CCT8: variants seen among roughly 807,000 people sequenced by gnomAD.
The protein encoded by CCT8 is T-complex protein 1 subunit theta.
CCT8 carries 10 observed loss-of-function variants against 65.7 expected under a neutral mutation model. That is an observed-to-expected ratio of 0.15 (90% CI 0.09 to 0.26). The LOEUF is 0.26. Ranked by LOEUF, CCT8 falls within the 10% of genes least tolerant of loss-of-function variation. The pLI is 1.00. For synonymous variants in CCT8, 199 were observed against 221.8 expected (o/e 0.90, Z 0.92); for missense variants, 568 against 669.1 (o/e 0.85, Z 1.67).
chr21:29,062,098 CAA>C, intron 11 of CCT8, 28 bp downstream of exon 11: 1 of 1,450,264 alleles, frequency 6.9e-7, no homozygotes, highest in Non-Finnish European at 9.7e-7. Flanking sequence ...TCAGACCTTA[CAA>C]ACTACTAAGA....
intron 1 of CCT8, chr21:29,073,079 C>T (rs1439079740): frequency 1.1e-5 from 2 of 183,598 alleles, no homozygotes; most frequent in Non-Finnish European, 2.1e-5. Context: ...GGCCCTTTTT[C>T]CCACTCTCTT....
rs192821292 is a variant in CCT8 at position 29,064,961 on chromosome 21, T to C, written c.762+7A>G. ...ATTATTACTTTTAAGGTTTGAAGTC[T>C]ACATACCTTAGTTTCTGTTATCATG... On this transcript the variant is annotated splice_region_variant and intron_variant, in intron 7 of 14. Coordinates refer to ENST00000286788, the MANE Select transcript of CCT8 (RefSeq NM_006585.4). 23 of 1,613,340 alleles carry C rather than the reference T, an allele frequency of 1.4e-5. No individual in the cohort carries two copies. The African/African-American group carries it at 2.9e-4, about 21-fold the overall frequency.
chr21:29,061,508 T>C lies in CCT8; in HGVS notation c.1272A>G (p.Thr424=), dbSNP rs1168620292. 1.9e-6 allele frequency: 3 copies of C among 1,614,014 alleles called. No homozygotes were observed. Among genetic ancestry groups the C allele is most frequent in the East Asian group, 2.2e-5 (1 of 44,876 alleles). Residue 424 remains threonine (T), a synonymous_variant, in exon 12 of 15, where the codon ACA becomes ACG. Transcript: ENST00000286788. ...GAAAAAGCTGTACCTCTCCATATGA[T>C]GTGATCTGTTTGGCTAATTCAATTT... ...ATEIELAKQI[T]SYGETCPGLE... is the part of the protein sequence containing the mutation.
intron 6 of CCT8, among the ~76,000 whole-genome samples, chr21:29,066,075 C>G (rs1480519592): frequency 1.2e-5 from 1 of 81,048 alleles, no homozygotes; most frequent in African/African-American, 5.4e-5. Context: ...GAGCCAGACT[C>G]CATCTCAAAA....
At chr21:29,063,855 C>T (rs1412386179) in intron 7 of CCT8, among the ~76,000 whole-genome samples, 1 of 152,140 alleles carries the variant, frequency 6.6e-6, no homozygotes, top group East Asian at 1.9e-4. Flanking sequence ...CAACCTCTGA[C>T]TCCCTGGTTC....
chr21:29,062,000 G>A (rs150514987), intron 11 of CCT8, 128 bp downstream of exon 11: 308 of 655,126 alleles, frequency 4.7e-4, no homozygotes, highest in Middle Eastern at 1.3e-3. Flanking sequence ...ACAAAAACAG[G>A]TGCTTCATTT....
At position 29,061,225 on chromosome 21, in the gene CCT8, A is replaced by G. The variant is rs113578054; in HGVS notation, c.1449+28T>C. On this transcript the variant is annotated intron_variant, in intron 13 of 14. Coordinates refer to ENST00000286788, the MANE Select transcript of CCT8 (RefSeq NM_006585.4). ...AGGTTGTGCATTCCCCAAATAAAGC[A>G]ATTTAAGTTCAGTGTTTTTTCAAAT... 1,510 of 1,565,982 alleles carry G rather than the reference A, an allele frequency of 9.6e-4. 2 individuals are homozygous for G. The highest frequency in any genetic ancestry group is 1.2e-3 in the Non-Finnish European group (1,338 of 1,138,664).
rs781247582 is a variant in CCT8 at position 29,069,510 on chromosome 21, G to A, written c.152-8C>T. ...TAACCATTTTGTTCATTCCTCAAAAGTAACAGTTAAAAAAAGAAAAAGAAA... is the reference window on the plus strand; with the variant it reads ...TAACCATTTTGTTCATTCCTCAAAAATAACAGTTAAAAAAAGAAAAAGAAA... On this transcript the variant is annotated splice_region_variant and splice_polypyrimidine_tract_variant and intron_variant, in intron 2 of 14. Transcript: ENST00000286788. 1 of 1,517,696 alleles carries A rather than the reference G, an allele frequency of 6.6e-7. No individual in the cohort carries two copies. Among genetic ancestry groups the A allele is most frequent in the Non-Finnish European group, 8.9e-7 (1 of 1,129,222 alleles). The allele number at this position is 1,517,696 out of a possible 1,614,324, so 94.0% of individuals were successfully genotyped here.
chr21:29,071,672 C>G (rs897485312), intron 1 of CCT8, among the ~76,000 whole-genome samples: 1 of 152,012 alleles, frequency 6.6e-6, no homozygotes, highest in Non-Finnish European at 1.5e-5. Flanking sequence ...AGGTGTGAGC[C>G]ACCAACCCCT....
chr21:29,073,420 C>CCGCTGAGCCAGGGCAGCA, intron 1 of CCT8, 111 bp downstream of exon 1: 4 of 1,559,156 alleles, frequency 2.6e-6, no homozygotes, highest in Non-Finnish European at 3.5e-6. Flanking sequence ...CTTCCCCCGG[C>CCGCTGAGCCAGGGCAGCA]CGCTGAGCCA....
chr21:29,063,395 T>C lies in CCT8; in HGVS notation c.898A>G (p.Met300Val), dbSNP rs761044325. Reference protein sequence around the residue: ...VVVTGGKVADMALHYANKYNI... With the variant: ...VVVTGGKVADVALHYANKYNI... ...TATTTATTTGCATAATGAAGAGCCA[T>C]GTCTGCCACTTTGCCACCTGTTACT... is the stretch of plus-strand genomic sequence containing the variant. Residue 300 changes from methionine to valine, a missense_variant, in exon 8 of 15, where the codon ATG (methionine) becomes GTG (valine). By Grantham distance (21) the Met-to-Val change is conservative. Coordinates refer to ENST00000286788, the MANE Select transcript of CCT8 (RefSeq NM_006585.4). The C allele has an allele frequency of 4.3e-6, 7 of 1,614,052 alleles. No individual in the cohort carries two copies. Among genetic ancestry groups the C allele is most frequent in the Middle Eastern group, 1.7e-4 (1 of 6,024 alleles).
At position 29,066,985 on chromosome 21, in the gene CCT8, A is replaced by G. The variant is rs779367479; in HGVS notation, c.468T>C (p.Asp156=). The part of the protein sequence containing the change: ...LVCCSAKNLR[D]IDEVSSLLRT... ...GAAGTAGAGATGAGACTTCATCAATATCTCGAAGGTTTTTTGCAGAACAAC... is the reference window on the plus strand; with the variant it reads ...GAAGTAGAGATGAGACTTCATCAATGTCTCGAAGGTTTTTTGCAGAACAAC... The change falls in exon 5 of 15, where the codon GAT becomes GAC. Residue 156 remains aspartate, a synonymous_variant. Coordinates refer to ENST00000286788, the MANE Select transcript of CCT8 (RefSeq NM_006585.4). The G allele has an allele frequency of 6.2e-7, 1 of 1,613,642 alleles. No individual in the cohort carries two copies. The highest frequency in any genetic ancestry group is 1.1e-5 in the South Asian group (1 of 91,068).
In CCT8 at chr21:29,068,966, G is replaced by A. The variant is rs73192135; in HGVS notation, c.231+457C>T. On this transcript the variant is annotated intron_variant, in intron 3 of 14. Coordinates refer to ENST00000286788, the MANE Select transcript of CCT8 (RefSeq NM_006585.4). ...GGTGCCAGACCTTCCTTATAACCCT[G>A]CTGGCAGGCAGTATCTATTTTATAG... 4.2e-3 allele frequency among the ~76,000 whole-genome samples: 640 copies of A among 152,288 alleles called. 3 individuals are homozygous for A. The highest frequency in any genetic ancestry group is 7.3e-3 in the Non-Finnish European group (494 of 68,022).
intron 8 of CCT8, chr21:29,062,803 A>G (rs1601090706): frequency 1.9e-6 from 1 of 513,138 alleles, no homozygotes; most frequent in South Asian, 2.8e-5. Flanking sequence ...TTGTTCTAGA[A>G]TTGGGAGAAT....
Position 29,061,505 on chromosome 21 carries a change from T to C in CCT8, c.1275A>G (p.Ser425=). 1 of 1,614,026 alleles carries C rather than the reference T, an allele frequency of 6.2e-7. No individual in the cohort carries two copies. Among genetic ancestry groups the C allele is most frequent in the Non-Finnish European group, 8.5e-7 (1 of 1,179,888 alleles). Residue 425 remains serine (S), a synonymous_variant, in exon 12 of 15, where the codon TCA becomes TCG. Coordinates refer to ENST00000286788, the MANE Select transcript of CCT8 (RefSeq NM_006585.4). ...TEIELAKQIT[S]YGETCPGLEQ... ...ACAGAAAAAGCTGTACCTCTCCATA[T>C]GATGTGATCTGTTTGGCTAATTCAA...
rs189197375 is a variant in CCT8, at chr21:29,069,663, C to G, written c.152-161G>C. Among the ~76,000 whole-genome samples the G allele has an allele frequency of 2.2e-4, 34 of 152,292 alleles. No individual in the cohort carries two copies. The East Asian group carries it at 6.2e-3, about 28-fold the overall frequency. On this transcript the variant is annotated intron_variant, in intron 2 of 14. Transcript: ENST00000286788. ...TCTATTCTTCAAGTTTATCTTATAG[C>G]CCCATGGGCATTCTCTGACTGCAGA...
chr21:29,067,252 TAACTC>T (rs1301015506), intron 4 of CCT8, among the ~76,000 whole-genome samples, 181 bp from the exon 5 acceptor site: 1 of 152,230 alleles, frequency 6.6e-6, no homozygotes, highest in Non-Finnish European at 1.5e-5. Context: ...ATTTGAATCT[TAACTC>T]TACCTAACTC....
intron 14 of CCT8, among the ~76,000 whole-genome samples, chr21:29,057,243 C>G (rs1415172532): frequency 6.6e-6 from 1 of 150,502 alleles, no homozygotes; most frequent in African/African-American, 2.4e-5. Flanking sequence ...GCGATCTTGG[C>G]TCAATGCAAC....
At chr21:29,062,713 G>A in intron 8 of CCT8, 157 bp from the exon 9 acceptor site, 2 of 640,142 alleles carry the variant, frequency 3.1e-6, no homozygotes, top group East Asian at 5.4e-5. Flanking sequence ...TGAACACTAA[G>A]GCCAGGAAGC....
Sources: gnomAD v4.1 joint callset for allele counts (sites outside exome capture counted in the v4.1 genomes callset) on GRCh38, gnomAD v4.1.1 for gene constraint, MANE v1.5 for transcripts, NCBI Gene and HGNC (gene_info 2026-07-23, HGNC 2026-07-21) for gene names.